SRBD1: variants seen among roughly 807,000 people sequenced by gnomAD.
SRBD1 encodes the protein S1 RNA-binding domain-containing protein 1.
A neutral mutation model predicts 115.3 loss-of-function variants in SRBD1; 88 were observed. That is an observed-to-expected ratio of 0.76 (90% CI 0.64 to 0.91). The LOEUF is 0.91. Ranked by LOEUF, SRBD1 falls within the 40% of genes least tolerant of loss-of-function variation. The pLI is 0.00. For synonymous variants in SRBD1, 509 were observed against 407.7 expected (o/e 1.25, Z -2.99); for missense variants, 1,385 against 1,177.4 (o/e 1.18, Z -2.58).
chr2:45,430,904 G>C (rs575069242), intron 16 of SRBD1, among the ~76,000 whole-genome samples: 1 of 152,110 alleles, frequency 6.6e-6, no homozygotes, highest in African/African-American at 2.4e-5. Context: ...ATCTGACAAA[G>C]GGCTAATATC....
chr2:45,420,555 G>A (rs1207518144), intron 16 of SRBD1, among the ~76,000 whole-genome samples: 1 of 152,144 alleles, frequency 6.6e-6, no homozygotes, highest in African/African-American at 2.4e-5. Flanking sequence ...GAGCTCTTTA[G>A]ACTTATTTAG....
intron 16 of SRBD1, among the ~76,000 whole-genome samples, chr2:45,423,402 A>G (rs1418293168): frequency 1.3e-5 from 2 of 152,216 alleles, no homozygotes; most frequent in African/African-American, 4.8e-5. Flanking sequence ...TGTTTACACA[A>G]TGCAAAAACA....
At chr2:45,482,499 T>C (rs188242261) in intron 15 of SRBD1, among the ~76,000 whole-genome samples, 3 of 152,092 alleles carry the variant, frequency 2.0e-5, no homozygotes, top group Middle Eastern at 3.4e-3. Flanking sequence ...GGGTACATAA[T>C]TGTAGTTATA....
chr2:45,500,498 C>T (rs944646579), intron 14 of SRBD1, among the ~76,000 whole-genome samples: 3 of 151,888 alleles, frequency 2.0e-5, no homozygotes, highest in Non-Finnish European at 4.4e-5. Flanking sequence ...TCACGGCTCA[C>T]TACAACCTCC....
At chr2:45,519,880 C>A (rs776579804) in intron 14 of SRBD1, among the ~76,000 whole-genome samples, 2 of 152,072 alleles carry the variant, frequency 1.3e-5, no homozygotes, top group Non-Finnish European at 2.9e-5. Flanking sequence ...TATTATTATT[C>A]CCATTTTACA....
intron 1 of SRBD1, among the ~76,000 whole-genome samples, chr2:45,606,151 C>T (rs1323943016): frequency 7.5e-6 from 1 of 133,034 alleles, no homozygotes; most frequent in Non-Finnish European, 1.6e-5. Flanking sequence ...ACATTTTTTT[C>T]CTATTCTTTT....
intron 14 of SRBD1, among the ~76,000 whole-genome samples, chr2:45,534,823 T>A (rs1671718369): frequency 6.6e-6 from 1 of 151,936 alleles, no homozygotes; most frequent in African/African-American, 2.4e-5. Context: ...TCTACTGATT[T>A]TTTGGAAAGT....
chr2:45,567,534 G>A (rs930047407), intron 9 of SRBD1, among the ~76,000 whole-genome samples: 4 of 151,876 alleles, frequency 2.6e-5, no homozygotes, highest in South Asian at 2.1e-4. Flanking sequence ...CCTTCAGCCC[G>A]CAAGGCGAAA....
intron 16 of SRBD1, among the ~76,000 whole-genome samples, chr2:45,473,417 G>A (rs746383605): frequency 5.9e-5 from 9 of 152,082 alleles, no homozygotes; most frequent in Non-Finnish European, 1.2e-4. Context: ...ACATTTTACT[G>A]TGTGTACATG....
At chr2:45,397,888 T>C (rs971527935) in intron 19 of SRBD1, among the ~76,000 whole-genome samples, 1 of 152,190 alleles carries the variant, frequency 6.6e-6, no homozygotes, top group African/African-American at 2.4e-5. Context: ...TGTGAGCCAC[T>C]GCACCTGGCA....
chr2:45,409,213 C>A (rs1667523950), intron 19 of SRBD1, among the ~76,000 whole-genome samples: 1 of 151,970 alleles, frequency 6.6e-6, no homozygotes, highest in African/African-American at 2.4e-5. Context: ...CAAAGTGAGA[C>A]CCTGTCCACA....
chr2:45,504,229 C>G (rs1338624333), intron 14 of SRBD1, among the ~76,000 whole-genome samples: 1 of 152,094 alleles, frequency 6.6e-6, no homozygotes, highest in Non-Finnish European at 1.5e-5. Flanking sequence ...CTTCATTCTC[C>G]CTTTTCCACG....
chr2:45,558,222 T>G (rs1312617133), intron 10 of SRBD1, among the ~76,000 whole-genome samples: 2 of 152,242 alleles, frequency 1.3e-5, no homozygotes, highest in South Asian at 2.1e-4. Context: ...CCCAGCTAAT[T>G]TGAAGGCTGA....
intron 9 of SRBD1, among the ~76,000 whole-genome samples, chr2:45,563,353 T>C (rs891378909): frequency 6.6e-6 from 1 of 151,992 alleles, no homozygotes; most frequent in African/African-American, 2.4e-5. Flanking sequence ...GATCAATCTG[T>C]CCATGCTCTT....
intron 19 of SRBD1, among the ~76,000 whole-genome samples, chr2:45,405,031 C>T (rs1023346575): frequency 2.0e-5 from 3 of 152,094 alleles, no homozygotes; most frequent in African/African-American, 4.8e-5. Flanking sequence ...CGATGACTAC[C>T]CTACTTAAAT....
At chr2:45,448,119 T>C (rs191805030) in intron 16 of SRBD1, 25 of 152,286 alleles carry the variant, frequency 1.6e-4, no homozygotes, top group Admixed American at 1.1e-3. Flanking sequence ...CTTCCAGAGA[T>C]GCTAAAATAT....
At chr2:45,462,420 G>A (rs796345225) in intron 16 of SRBD1, among the ~76,000 whole-genome samples, 1 of 152,128 alleles carries the variant, frequency 6.6e-6, no homozygotes, top group African/African-American at 2.4e-5. Flanking sequence ...CATACCCTCT[G>A]GCCCCATGTA....
chr2:45,542,736 C>A (rs558579252), intron 14 of SRBD1, among the ~76,000 whole-genome samples: 1 of 152,228 alleles, frequency 6.6e-6, no homozygotes, highest in Non-Finnish European at 1.5e-5. Flanking sequence ...TATATCCATA[C>A]AGACTTGTAA....
intron 16 of SRBD1, among the ~76,000 whole-genome samples, chr2:45,440,148 G>A (rs374765630): frequency 5.9e-5 from 9 of 152,240 alleles, no homozygotes; most frequent in East Asian, 1.9e-4. Context: ...ATAAATAGAC[G>A]TTAAGATACT....
Sources: allele counts gnomAD v4.1 joint callset (sites outside exome capture counted in the v4.1 genomes callset), GRCh38; gene constraint gnomAD v4.1.1; transcripts MANE v1.5; gene names NCBI Gene and HGNC (gene_info 2026-07-23, HGNC 2026-07-21).